The following DAZAP1 variants were observed in gnomAD, a reference collection of about 807,000 sequenced individuals.
The protein encoded by DAZAP1 is DAZ associated protein 1.
A neutral mutation model predicts 60.1 loss-of-function variants in DAZAP1; 6 were observed. That is an observed-to-expected ratio of 0.10 (90% CI 0.05 to 0.20). The LOEUF is 0.20. Ranked by LOEUF, DAZAP1 falls within the 10% of genes least tolerant of loss-of-function variation. The probability of loss-of-function intolerance (pLI) is 1.00; values close to 1 mark genes in which losing one functional copy is unlikely to be tolerated. For synonymous variants in DAZAP1, 235 were observed against 215.9 expected (o/e 1.09, Z -0.78); for missense variants, 366 against 560.4 (o/e 0.65, Z 3.50).
chr19:1,415,328 G>T (rs2082944255), intron 1 of DAZAP1, among the ~76,000 whole-genome samples: 1 of 139,768 alleles, frequency 7.2e-6, no homozygotes, highest in Non-Finnish European at 1.5e-5. Flanking sequence ...AAGTGACTTG[G>T]ATTTGGTTTG....
intron 1 of DAZAP1, among the ~76,000 whole-genome samples, chr19:1,414,267 C>T (rs1036974452): frequency 6.6e-6 from 1 of 152,110 alleles, no homozygotes; most frequent in African/African-American, 2.4e-5. Context: ...ATCCGCCCAC[C>T]TCAGCCTTGC....
chr19:1,420,334 C>T (rs1462580022), intron 4 of DAZAP1, among the ~76,000 whole-genome samples: 545 of 72,060 alleles, frequency 7.6e-3, no homozygotes, highest in South Asian at 0.048. Context: ...CATGAAACCA[C>T]CCCGAACGTC....
In DAZAP1 at chr19:1,418,256, C is replaced by T; in HGVS notation, c.123C>T (p.Ile41=). Residue 41 remains isoleucine, a synonymous_variant, in exon 3 of 12, where the codon ATC becomes ATT. Coordinates refer to ENST00000233078, the MANE Select transcript of DAZAP1 (RefSeq NM_018959.4). The surrounding 1 kb of genome is among the most constrained non-coding windows in gnomAD (Gnocchi z 5.7). ...ATGGAGAAGTCGTAGATTGTGTTAT[C>T]ATGAAAGATAAAACCACCAACCAGT... The part of the protein sequence containing the change: ...SQYGEVVDCV[I]MKDKTTNQSR... The T allele has an allele frequency of 1.2e-6, 2 of 1,614,196 alleles. No homozygotes were observed. Among genetic ancestry groups the T allele is most frequent in the Non-Finnish European group, 8.5e-7 (1 of 1,180,040 alleles).
rs377637957 is a variant in DAZAP1 at position 1,418,158 on chromosome 19, T to C, written c.71-46T>C. 3.7e-6 allele frequency: 6 copies of C among 1,605,478 alleles called. No homozygotes were observed. Among genetic ancestry groups the C allele is most frequent in the Non-Finnish European group, 5.1e-6 (6 of 1,173,370 alleles). On this transcript the variant is annotated intron_variant, in intron 2 of 11. Transcript: ENST00000233078. This position sits in a 1 kb window ranked among gnomAD's most constrained non-coding sequence, Gnocchi z 5.7. ...GCAGCACTGCCAGGCACGTGCCTAA[T>C]GCTCTGGCCCTGTGTGTTTGTGTTT...
Position 1,435,224 on chromosome 19 carries a change from C to T in DAZAP1, c.*312C>T, listed in dbSNP as rs961786838. ...TTTTTTGGAAATTATTTTCCTGAGC[C>T]TTTTGTTTTACGGTATATTGTAAAC... is the stretch of plus-strand genomic sequence containing the variant. On this transcript the variant is annotated 3_prime_UTR_variant, in exon 12 of 12. Transcript: ENST00000233078. 5.5e-6 allele frequency: 1 copy of T among 181,422 alleles called. No homozygotes were observed. Among genetic ancestry groups the T allele is most frequent in the African/African-American group, 2.4e-5 (1 of 42,510 alleles). 11.2% of individuals were successfully genotyped at this position (181,422 alleles called of 1,614,324 possible).
rs1294642448 is a variant in DAZAP1 at position 1,429,068 on chromosome 19, C to T, written c.700+73C>T. 47 of 1,458,074 alleles carry T rather than the reference C, an allele frequency of 3.2e-5. 1 individual carries two copies. Among genetic ancestry groups the T allele is most frequent in the South Asian group, 2.9e-4 (21 of 71,238 alleles). The allele number at this position is 1,458,074 out of a possible 1,614,324, so 90.3% of individuals were successfully genotyped here. On this transcript the variant is annotated intron_variant, in intron 8 of 11. Coordinates refer to ENST00000233078, the MANE Select transcript of DAZAP1 (RefSeq NM_018959.4). ...TTGGCCCGCGCGCCCTGGGCTGTGC[C>T]GTCGCTGCGGCCTCCCCACCTCTGC...
At position 1,433,659 on chromosome 19, in the gene DAZAP1, G is replaced by T; in HGVS notation, c.1048+969G>T. 8.2e-7 allele frequency: 1 copy of T among 1,212,410 alleles called. No individual in the cohort carries two copies. Among genetic ancestry groups the T allele is most frequent in the Non-Finnish European group, 1.2e-6 (1 of 826,228 alleles). 75.1% of individuals were successfully genotyped at this position (1,212,410 alleles called of 1,614,324 possible). ...ACTGGCAGGGGGGTGTGAGGCGCCC[G>T]GTTGGGGCGTGGCGTGTGTCAGCCG... On this transcript the variant is annotated intron_variant, in intron 11 of 11. Coordinates refer to ENST00000233078, the MANE Select transcript of DAZAP1 (RefSeq NM_018959.4). The surrounding 1 kb of genome is among the most constrained non-coding windows in gnomAD (Gnocchi z 6.1).
In DAZAP1 at chr19:1,418,540, G is replaced by A; in HGVS notation, c.238-126G>A. ...AGGCTGGATATTGCAGGAGGATACAGGGTGAATGGAGCCGGCGGGGCGGGG... is the reference window on the plus strand; with the variant it reads ...AGGCTGGATATTGCAGGAGGATACAAGGTGAATGGAGCCGGCGGGGCGGGG... On this transcript the variant is annotated intron_variant, in intron 3 of 11. Transcript: ENST00000233078. The surrounding 1 kb of genome is among the most constrained non-coding windows in gnomAD (Gnocchi z 5.7). 6.9e-7 allele frequency: 1 copy of A among 1,449,682 alleles called. No homozygotes were observed. Among genetic ancestry groups the A allele is most frequent in the African/African-American group, 1.4e-5 (1 of 71,724 alleles). 89.8% of individuals were successfully genotyped at this position (1,449,682 alleles called of 1,614,324 possible).
At position 1,432,848 on chromosome 19, in the gene DAZAP1, C is replaced by CTCG. The variant is rs764167861; in HGVS notation, c.1048+160_1048+162dup. The CTCG allele has an allele frequency of 4.3e-4, 329 of 764,978 alleles. No individual in the cohort carries two copies. The highest frequency in any genetic ancestry group is 6.0e-4 in the Non-Finnish European group (291 of 485,902). 47.4% of individuals were successfully genotyped at this position (764,978 alleles called of 1,614,324 possible). A position where few individuals can be genotyped will look rare whatever the true frequency, so the allele number is the denominator to read the frequency against. On this transcript the variant is annotated intron_variant, in intron 11 of 11. Transcript: ENST00000233078. The surrounding 1 kb of genome is among the most constrained non-coding windows in gnomAD (Gnocchi z 4.9). ...GGGGTGTGGGGGTTGTTGGAGAGATCTCGTGGCAACTCGGGTCCAGCAGAA... is the reference window on the plus strand; with the variant it reads ...GGGGTGTGGGGGTTGTTGGAGAGATCTCGTCGTGGCAACTCGGGTCCAGCAGAA...
chr19:1,429,917 G>A (rs192525069), intron 8 of DAZAP1, 50 bp from the exon 9 acceptor site: 16 of 1,552,866 alleles, frequency 1.0e-5, no homozygotes, highest in African/African-American at 4.1e-5. Context: ...TCTCTGCGTC[G>A]GACAGCTGGT....
At chr19:1,415,797 A>G (rs985605278) in intron 1 of DAZAP1, 1 of 152,056 alleles carries the variant, frequency 6.6e-6, no homozygotes, top group Admixed American at 6.6e-5. Context: ...GCCTTTTCAG[A>G]TCTCGTCTCT....
chr19:1,427,376 G>C (rs2083331423), intron 7 of DAZAP1: 1 of 151,326 alleles, frequency 6.6e-6, no homozygotes, highest in African/African-American at 2.4e-5. Flanking sequence ...ACCTCAGTGT[G>C]GGTCTCGCCT....
chr19:1,420,843 C>G (rs1430486638), intron 4 of DAZAP1, among the ~76,000 whole-genome samples: 1 of 152,244 alleles, frequency 6.6e-6, no homozygotes, highest in Non-Finnish European at 1.5e-5. Flanking sequence ...GAGCACTTTT[C>G]CACGTGGCAG....
rs915240716 is a variant in DAZAP1, at chr19:1,428,624, C to T, written c.547-218C>T. ...GGCTCTGTGTGTCTTACGGTTGCAT[C>T]TGTTGTACCTGAGAAACATTTTTTA... On this transcript the variant is annotated intron_variant, in intron 7 of 11. Transcript: ENST00000233078. The surrounding 1 kb of genome is among the most constrained non-coding windows in gnomAD (Gnocchi z 4.0). 1 of 589,318 alleles carries T rather than the reference C, an allele frequency of 1.7e-6. No individual in the cohort carries two copies. The highest frequency in any genetic ancestry group is 3.5e-5 in the Admixed American group (1 of 28,234). 36.5% of individuals were successfully genotyped at this position (589,318 alleles called of 1,614,324 possible).
At chr19:1,415,389 G>GTGTGTTT (rs751334899) in intron 1 of DAZAP1, among the ~76,000 whole-genome samples, 1 of 127,580 alleles carries the variant, frequency 7.8e-6, no homozygotes, top group African/African-American at 3.0e-5. Context: ...GTGTGTGTGT[G>GTGTGTTT]TTTTGTTTTT....
chr19:1,429,397 C>T (rs1715703437), intron 8 of DAZAP1, among the ~76,000 whole-genome samples: 1 of 152,198 alleles, frequency 6.6e-6, no homozygotes, highest in African/African-American at 2.4e-5. Flanking sequence ...TGGATCCTTG[C>T]CACCTGCCGT....
At chr19:1,414,545 G>C (rs1258310036) in intron 1 of DAZAP1, among the ~76,000 whole-genome samples, 1 of 151,870 alleles carries the variant, frequency 6.6e-6, no homozygotes, top group Non-Finnish European at 1.5e-5. Context: ...AAGAGATTGA[G>C]ACCATCCTGG....
rs375781035 is a variant in DAZAP1 at position 1,434,921 on chromosome 19, G to A, written c.*9G>A. On this transcript the variant is annotated 3_prime_UTR_variant, in exon 12 of 12. Coordinates refer to ENST00000233078, the MANE Select transcript of DAZAP1 (RefSeq NM_018959.4). The surrounding 1 kb of genome is among the most constrained non-coding windows in gnomAD (Gnocchi z 8.0). Reference sequence around the variant, plus strand: ...ACCCCTACCGACGCTAGCCCGCGGCGCCGCGACGTCTGCACGGCCCAGACC... The same window carrying A: ...ACCCCTACCGACGCTAGCCCGCGGCACCGCGACGTCTGCACGGCCCAGACC... 4.4e-5 allele frequency: 62 copies of A among 1,412,564 alleles called. No homozygotes were observed. The African/African-American group carries it at 5.3e-4, about 12-fold the overall frequency. The allele number at this position is 1,412,564 out of a possible 1,614,324, so 87.5% of individuals were successfully genotyped here.
chr19:1,415,148 CT>C (rs1383307387), intron 1 of DAZAP1, among the ~76,000 whole-genome samples: 1 of 152,138 alleles, frequency 6.6e-6, no homozygotes, highest in African/African-American at 2.4e-5. Context: ...GCCCTTCCCC[CT>C]TAATACACAA....
Sources: gnomAD v4.1 joint callset for allele counts (sites outside exome capture counted in the v4.1 genomes callset) on GRCh38, gnomAD v4.1.1 for gene constraint, Gnocchi (gnomAD v3.1) non-coding constraint, MANE v1.5 for transcripts, NCBI Gene and HGNC (gene_info 2026-07-23, HGNC 2026-07-21) for gene names.